The following CFAP54 variants were observed in gnomAD, a reference collection of about 807,000 sequenced individuals.
The protein encoded by CFAP54 is cilia and flagella associated protein 54, also known as cilia- and flagella-associated protein 54.
In CFAP54, 290 loss-of-function variants were observed where a neutral mutation model predicts 370.4. The ratio of observed to expected loss-of-function variants is 0.78; its 90% CI spans 0.71 to 0.86. CFAP54 has a LOEUF of 0.86. Ranked by LOEUF, CFAP54 falls within the 40% of genes least tolerant of loss-of-function variation. CFAP54 has a pLI of 0.00. For synonymous variants in CFAP54, 1,206 were observed against 1,236.5 expected, an observed-to-expected ratio of 0.98 and a Z score of 0.52; for missense variants, 3,399 against 3,528.7, an observed-to-expected ratio of 0.96 and a Z score of 0.93.
chr12:96,605,470 C>T lies in CFAP54; in HGVS notation c.3639+6703C>T, dbSNP rs116474726. On this transcript the variant is annotated intron_variant, in intron 26 of 67. Coordinates refer to ENST00000524981, the MANE Select transcript of CFAP54 (RefSeq NM_001306084.2). The stretch of plus-strand genomic sequence containing the variant: ...CAATTCTGAGATTGGTGTGCAGGAC[C>T]CTGAACTCAAAAAGGACAAACTGGA... Among the ~76,000 whole-genome samples the T allele has an allele frequency of 4.6e-5, 7 of 152,198 alleles. No individual in the cohort carries two copies. The East Asian group carries it at 7.7e-4, about 17-fold the overall frequency.
intron 64 of CFAP54, among the ~76,000 whole-genome samples, chr12:96,814,732 T>A (rs1958958992): frequency 6.6e-6 from 1 of 152,114 alleles, no homozygotes; most frequent in South Asian, 2.1e-4. Flanking sequence ...CAGGCCCTAG[T>A]GTGTGATGTT....
chr12:96,861,311 T>C (rs1403218138), intron 67 of CFAP54, among the ~76,000 whole-genome samples: 1 of 152,180 alleles, frequency 6.6e-6, no homozygotes, highest in Admixed American at 6.5e-5. Context: ...TTTGACAGTG[T>C]CTGGAGACGT....
chr12:96,604,737 T>C (rs1895102), intron 26 of CFAP54, among the ~76,000 whole-genome samples: 13,402 of 152,320 alleles, frequency 0.088, 781 homozygotes, highest in Middle Eastern at 0.14. Flanking sequence ...CTCAGACTGC[T>C]GTGCTAGCAG....
At chr12:96,767,010 T>A (rs971519) in intron 60 of CFAP54, among the ~76,000 whole-genome samples, 55,261 of 151,978 alleles carry the variant, frequency 0.36, 10,808 homozygotes, top group East Asian at 0.58. Flanking sequence ...GGGTATGATC[T>A]TCTCATGGTA....
At position 96,489,677 on chromosome 12, in the gene CFAP54, A is replaced by C. The variant is rs1251491212; in HGVS notation, c.68A>C (p.Glu23Ala). 2 of 1,535,652 alleles carry C rather than the reference A, an allele frequency of 1.3e-6. No homozygotes were observed. The highest frequency in any genetic ancestry group is 1.7e-6 in the Non-Finnish European group (2 of 1,146,688). ...DDSTTSGSLPELPPTSTATSR... is the reference protein window; with the variant it reads ...DDSTTSGSLPALPPTSTATSR... ...TCTACCACCTCGGGGTCTCTGCCAG[A>C]ACTGCCGCCGACCTCCACCGCGACT... is the stretch of plus-strand genomic sequence containing the variant. Residue 23 changes from glutamate to alanine, a missense_variant, in exon 1 of 68, where the codon GAA becomes GCA. Transcript: ENST00000524981.
chr12:96,548,710 A>C (rs1955664963), intron 15 of CFAP54, among the ~76,000 whole-genome samples: 1 of 152,156 alleles, frequency 6.6e-6, no homozygotes, highest in South Asian at 2.1e-4. Context: ...CATGCATAAG[A>C]GATTGAGGTG....
chr12:96,849,121 G>GA (rs1369347911), intron 66 of CFAP54, among the ~76,000 whole-genome samples: 7 of 152,082 alleles, frequency 4.6e-5, no homozygotes, highest in African/African-American at 7.2e-5. Flanking sequence ...CCCCAGTCTA[G>GA]AAAAAAATCC....
intron 32 of CFAP54, among the ~76,000 whole-genome samples, chr12:96,640,612 T>C (rs1355105870): frequency 6.6e-6 from 1 of 152,196 alleles, no homozygotes; most frequent in African/African-American, 2.4e-5. Flanking sequence ...GAGCCTGCAT[T>C]GCCAAGTCAA....
chr12:96,601,946 C>G (rs1349980163), intron 26 of CFAP54, among the ~76,000 whole-genome samples: 1 of 151,918 alleles, frequency 6.6e-6, no homozygotes, highest in African/African-American at 2.4e-5. Context: ...TTTTTTGTGT[C>G]TCTATCTCCT....
At chr12:96,728,446 C>T (rs1056746407) in intron 50 of CFAP54, among the ~76,000 whole-genome samples, 12 of 152,300 alleles carry the variant, frequency 7.9e-5, no homozygotes, top group Non-Finnish European at 1.6e-4. Flanking sequence ...ATCACTGATA[C>T]CCTTTCTTCC....
rs35984233 is a variant in CFAP54 at position 96,733,542 on chromosome 12, G to GTT, written c.6966-6398_6966-6397dup. ...GCCTCTTTCTTTCAAAATCCTGTGGGTTTTTTTTTTTTTTTTTAATAAGTG... is the reference window on the plus strand; with the variant it reads ...GCCTCTTTCTTTCAAAATCCTGTGGGTTTTTTTTTTTTTTTTTTTAATAAGTG... On this transcript the variant is annotated intron_variant, in intron 50 of 67. Coordinates refer to ENST00000524981, the MANE Select transcript of CFAP54 (RefSeq NM_001306084.2). Among the ~76,000 whole-genome samples the GTT allele has an allele frequency of 9.8e-3, 1,363 of 139,032 alleles. 8 individuals carry two copies. Among genetic ancestry groups the GTT allele is most frequent in the Non-Finnish European group, 0.012 (778 of 64,718 alleles). The allele number at this position is 139,032 out of a possible 152,430, so 91.2% of individuals were successfully genotyped here.
At chr12:96,643,890 G>T (rs1311422624) in intron 32 of CFAP54, among the ~76,000 whole-genome samples, 1 of 152,216 alleles carries the variant, frequency 6.6e-6, no homozygotes, top group African/African-American at 2.4e-5. Context: ...GTAGCCTTTT[G>T]GTTATGAAAA....
At chr12:96,642,039 T>G (rs537506822) in intron 32 of CFAP54, among the ~76,000 whole-genome samples, 111 of 151,998 alleles carry the variant, frequency 7.3e-4, no homozygotes, top group Non-Finnish European at 1.4e-3. Flanking sequence ...GTAACAAACT[T>G]GCACGTTGTG....
At chr12:96,839,204 T>G (rs1160720878) in intron 66 of CFAP54, among the ~76,000 whole-genome samples, 1 of 152,214 alleles carries the variant, frequency 6.6e-6, no homozygotes, top group East Asian at 1.9e-4. Flanking sequence ...ATCTCAATGC[T>G]TTGATCTCTC....
chr12:96,850,409 C>T (rs556212860), intron 66 of CFAP54, among the ~76,000 whole-genome samples: 4 of 151,476 alleles, frequency 2.6e-5, no homozygotes, highest in Admixed American at 6.6e-5. Context: ...AGAGGCTGCA[C>T]GAAGCAGGAG....
At chr12:96,841,824 T>C (rs1959220126) in intron 66 of CFAP54, among the ~76,000 whole-genome samples, 1 of 152,248 alleles carries the variant, frequency 6.6e-6, no homozygotes, top group Admixed American at 6.5e-5. Context: ...CATAGTTTGA[T>C]TCTTGGTTCC....
intron 66 of CFAP54, among the ~76,000 whole-genome samples, 176 bp downstream of exon 66, chr12:96,829,264 T>A (rs769674308): frequency 2.0e-5 from 3 of 152,160 alleles, no homozygotes; most frequent in Non-Finnish European, 2.9e-5. Flanking sequence ...AAAAATTATG[T>A]GTTCAAAAAA....
intron 19 of CFAP54, among the ~76,000 whole-genome samples, chr12:96,575,122 T>TG (rs1402853557): frequency 1.3e-5 from 2 of 152,168 alleles, no homozygotes; most frequent in African/African-American, 4.8e-5. Context: ...TAATGACTAA[T>TG]GACGTTGAAC....
intron 26 of CFAP54, among the ~76,000 whole-genome samples, chr12:96,610,564 G>A (rs894473387): frequency 7.9e-5 from 12 of 152,206 alleles, no homozygotes; most frequent in African/African-American, 2.7e-4. Flanking sequence ...GCAGCCCACT[G>A]AGCGTGAGCC....
Sources: allele counts gnomAD v4.1 joint callset (sites outside exome capture counted in the v4.1 genomes callset), GRCh38; gene constraint gnomAD v4.1.1; transcripts MANE v1.5; gene names NCBI Gene and HGNC (gene_info 2026-07-23, HGNC 2026-07-21).